Variants in ITGA1 observed in about 807,000 individuals in gnomAD.
ITGA1 encodes integrin alpha-1.
Under a neutral mutation model 145.9 loss-of-function variants are expected in ITGA1, and 85 were observed. That is an observed-to-expected ratio of 0.58 (90% CI 0.49 to 0.70). The LOEUF (loss-of-function observed/expected upper bound fraction) is 0.70. ITGA1 is among the 30% of genes least tolerant of loss of function. The pLI is 0.00. For missense variants in ITGA1, 1,351 were observed against 1,418.7 expected (o/e 0.95, Z 0.77); for synonymous variants, 520 against 495.3 (o/e 1.05, Z -0.66).
chr5:52,897,541 G>C lies in ITGA1; in HGVS notation c.1164+13G>C. The C allele has an allele frequency of 6.2e-7, 1 of 1,605,794 alleles. No individual in the cohort carries two copies. Among genetic ancestry groups the C allele is most frequent in the Non-Finnish European group, 8.5e-7 (1 of 1,173,086 alleles). On this transcript the variant is annotated intron_variant, in intron 10 of 28. Coordinates refer to ENST00000282588, the MANE Select transcript of ITGA1 (RefSeq NM_181501.2). ...TCATTATTCACAGGTATGTTGACCA[G>C]TTGGTGAAAAATGAAATATATGTTT...
rs2111751579 is a variant in ITGA1, at chr5:52,849,492, C to T, written c.182+7C>T. On this transcript the variant is annotated splice_region_variant and intron_variant, in intron 2 of 28. Transcript: ENST00000282588. Reference sequence around the variant, plus strand: ...AAAATGAAGAAGGAAAATGGTAAGCCAGTGGGTTTTGTTGTTGTTATTTAC... The same window carrying T: ...AAAATGAAGAAGGAAAATGGTAAGCTAGTGGGTTTTGTTGTTGTTATTTAC... 3.8e-6 allele frequency: 6 copies of T among 1,589,240 alleles called. No homozygotes were observed. The highest frequency in any genetic ancestry group is 1.1e-5 in the South Asian group (1 of 88,626).
At chr5:52,926,764 A>C (rs1750818060) in intron 19 of ITGA1, among the ~76,000 whole-genome samples, 2 of 152,130 alleles carry the variant, frequency 1.3e-5, no homozygotes, top group African/African-American at 2.4e-5. Flanking sequence ...AAAATCTGAC[A>C]GTGCATCTCT....
At chr5:52,906,662 A>G (rs1463906774) in intron 12 of ITGA1, among the ~76,000 whole-genome samples, 1 of 152,116 alleles carries the variant, frequency 6.6e-6, no homozygotes, top group Non-Finnish European at 1.5e-5. Context: ...AGTTTTCTGT[A>G]TTTTTCAACA....
At chr5:52,924,632 G>T (rs934547327) in intron 18 of ITGA1, among the ~76,000 whole-genome samples, 1 of 152,204 alleles carries the variant, frequency 6.6e-6, no homozygotes, top group African/African-American at 2.4e-5. Flanking sequence ...GCAGAGTGAA[G>T]AGTGGTTGGA....
chr5:52,801,498 T>G (rs761558163), intron 1 of ITGA1: 5 of 1,614,114 alleles, frequency 3.1e-6, no homozygotes, highest in Non-Finnish European at 4.2e-6. Flanking sequence ...CTAAAGCTGC[T>G]GGGGAAGTCA....
chr5:52,936,532 C>T (rs1357201248), intron 23 of ITGA1, among the ~76,000 whole-genome samples: 3 of 152,136 alleles, frequency 2.0e-5, no homozygotes, highest in African/African-American at 4.8e-5. Flanking sequence ...GCGTTCCCTA[C>T]CCAGCTAAAG....
At chr5:52,875,973 C>A (rs1035772870) in intron 6 of ITGA1, among the ~76,000 whole-genome samples, 8 of 152,048 alleles carry the variant, frequency 5.3e-5, no homozygotes, top group African/African-American at 1.7e-4. Flanking sequence ...GGCTGAGGGC[C>A]ACTTTGTTTC....
intron 8 of ITGA1, chr5:52,889,930 A>G (rs959527858): frequency 2.6e-5 from 4 of 151,974 alleles, no homozygotes; most frequent in Non-Finnish European, 5.9e-5. Flanking sequence ...CAAAGGGCTC[A>G]GTGTCTTTCC....
At chr5:52,889,211 C>T (rs1750104815) in intron 8 of ITGA1, among the ~76,000 whole-genome samples, 3 of 152,222 alleles carry the variant, frequency 2.0e-5, no homozygotes, top group South Asian at 2.1e-4. Flanking sequence ...AAGCAATTCT[C>T]CTGCCTCAGC....
intron 27 of ITGA1, among the ~76,000 whole-genome samples, chr5:52,945,975 G>T (rs1294435329): frequency 1.3e-5 from 2 of 152,174 alleles, no homozygotes; most frequent in African/African-American, 2.4e-5. Context: ...AAAAATTTGA[G>T]TATGGTTTAT....
intron 1 of ITGA1, among the ~76,000 whole-genome samples, chr5:52,798,397 T>A (rs1308249432): frequency 6.7e-5 from 3 of 44,708 alleles, no homozygotes; most frequent in African/African-American, 2.5e-4. Context: ...CCTGATAATC[T>A]CTTAGGAAGA....
At chr5:52,811,296 T>C (rs1024028695) in intron 1 of ITGA1, among the ~76,000 whole-genome samples, 1 of 152,058 alleles carries the variant, frequency 6.6e-6, no homozygotes, top group Non-Finnish European at 1.5e-5. Context: ...TTTTTGAGAG[T>C]TGGTTTCTTC....
chr5:52,804,235 A>G (rs1748546612), intron 1 of ITGA1, among the ~76,000 whole-genome samples: 2 of 152,208 alleles, frequency 1.3e-5, no homozygotes, highest in South Asian at 2.1e-4. Context: ...TAAAAACTCT[A>G]TCGATAACTC....
At chr5:52,951,909 C>T (rs10471827) in intron 28 of ITGA1, among the ~76,000 whole-genome samples, 3,740 of 152,174 alleles carry the variant, frequency 0.025, 166 homozygotes, top group African/African-American at 0.085. Flanking sequence ...AATGAAACCG[C>T]GGCCCGGCGC....
chr5:52,879,765 A>G (rs1355852970), intron 6 of ITGA1, among the ~76,000 whole-genome samples: 1 of 152,074 alleles, frequency 6.6e-6, no homozygotes, highest in Admixed American at 6.5e-5. Flanking sequence ...TAGCTCTCTC[A>G]GAATAGGTGG....
intron 14 of ITGA1, 35 bp downstream of exon 14, chr5:52,910,454 G>A: frequency 6.3e-7 from 1 of 1,593,322 alleles, no homozygotes; most frequent in Non-Finnish European, 8.6e-7. Context: ...CCACCCTTCA[G>A]TGATAAGTCG....
At chr5:52,897,584 A>T in intron 10 of ITGA1, 56 bp downstream of exon 10, 1 of 1,313,454 alleles carries the variant, frequency 7.6e-7, no homozygotes, top group Non-Finnish European at 1.1e-6. Flanking sequence ...TTCCCTTCCC[A>T]AAACCAACAT....
intron 1 of ITGA1, among the ~76,000 whole-genome samples, chr5:52,819,221 CACTG>C (rs759326728): frequency 3.2e-4 from 49 of 152,342 alleles, no homozygotes; most frequent in Admixed American, 9.2e-4. Flanking sequence ...GGAATCACCA[CACTG>C]ACTTCCACAA....
chr5:52,849,127 G>C lies in ITGA1; in HGVS notation c.62-238G>C, dbSNP rs555231992. On this transcript the variant is annotated intron_variant, in intron 1 of 28. Transcript: ENST00000282588. ...ATGGCTGGGTCAAATGGTATTTCTA[G>C]TTCTAGATCCTTGAGGAATCGCCAC... is the stretch of plus-strand genomic sequence containing the variant. Among the ~76,000 whole-genome samples the C allele has an allele frequency of 2.0e-5, 3 of 152,268 alleles. No homozygotes were observed. The South Asian group carries it at 6.2e-4, about 32-fold the overall frequency.
Sources: allele counts gnomAD v4.1 joint callset (sites outside exome capture counted in the v4.1 genomes callset), GRCh38; gene constraint gnomAD v4.1.1; transcripts MANE v1.5; gene names NCBI Gene and HGNC (gene_info 2026-07-23, HGNC 2026-07-21).